Variants in PAM observed in about 807,000 individuals in gnomAD.
PAM encodes peptidylglycine alpha-amidating monooxygenase.
In PAM, 72 loss-of-function variants were observed where a neutral mutation model predicts 122.1. The observed-to-expected ratio is 0.59, with a 90% CI of 0.49 to 0.72. The LOEUF is 0.72. Ranked by LOEUF, PAM falls within the 30% of genes least tolerant of loss-of-function variation. The pLI is 0.00. For missense variants in PAM, 1,106 were observed against 1,183.7 expected, an observed-to-expected ratio of 0.93 and a Z score of 0.96; for synonymous variants, 389 against 404.4, an observed-to-expected ratio of 0.96 and a Z score of 0.46.
intron 1 of PAM, among the ~76,000 whole-genome samples, chr5:102,854,193 T>G (rs1782037555): frequency 6.6e-6 from 1 of 152,158 alleles, no homozygotes; most frequent in Non-Finnish European, 1.5e-5. Flanking sequence ...AAATTATACA[T>G]GGAAAGTATT....
chr5:102,836,336 G>A (rs577615115), intron 1 of PAM, among the ~76,000 whole-genome samples: 1 of 152,210 alleles, frequency 6.6e-6, no homozygotes, highest in East Asian at 1.9e-4. Context: ...TCAGTCTGAC[G>A]AACTCTTGCA....
chr5:102,979,849 G>A (rs1468119690), intron 15 of PAM, among the ~76,000 whole-genome samples: 5 of 151,756 alleles, frequency 3.3e-5, no homozygotes, highest in South Asian at 2.1e-4. Context: ...CAGGATATGC[G>A]GCTGTACATT....
At chr5:102,918,828 C>A (rs2151635101) in intron 5 of PAM, among the ~76,000 whole-genome samples, 1 of 152,040 alleles carries the variant, frequency 6.6e-6, no homozygotes, top group African/African-American at 2.4e-5. Context: ...ATTGCAAACC[C>A]CAAGATTTTG....
chr5:102,764,092 G>A (rs905940482), intron 1 of PAM, among the ~76,000 whole-genome samples: 5 of 151,992 alleles, frequency 3.3e-5, no homozygotes, highest in Admixed American at 1.3e-4. Context: ...AATTGAACTC[G>A]GGAATAAGTT....
intron 5 of PAM, among the ~76,000 whole-genome samples, chr5:102,922,856 C>A (rs1045104909): frequency 6.6e-6 from 1 of 152,140 alleles, no homozygotes; most frequent in African/African-American, 2.4e-5. Context: ...AATATCATTT[C>A]TTTAACTATT....
At chr5:102,780,598 C>T (rs1471040175) in intron 1 of PAM, among the ~76,000 whole-genome samples, 1 of 152,090 alleles carries the variant, frequency 6.6e-6, no homozygotes, top group South Asian at 2.1e-4. Flanking sequence ...GGTGTACCTC[C>T]CGACTGAACT....
At chr5:102,869,549 TTTC>T (rs1420457175) in intron 3 of PAM, among the ~76,000 whole-genome samples, 1 of 152,198 alleles carries the variant, frequency 6.6e-6, no homozygotes, top group Non-Finnish European at 1.5e-5. Context: ...TTGTTGAATA[TTTC>T]TTCCATTTTT....
At chr5:102,980,532 A>G (rs1330540848) in intron 15 of PAM, among the ~76,000 whole-genome samples, 1 of 152,182 alleles carries the variant, frequency 6.6e-6, no homozygotes, top group Non-Finnish European at 1.5e-5. Flanking sequence ...ATACAGTTCT[A>G]GCATTCTCTG....
intron 1 of PAM, among the ~76,000 whole-genome samples, chr5:102,853,714 A>G (rs1023347294): frequency 2.6e-5 from 4 of 152,204 alleles, no homozygotes; most frequent in Admixed American, 2.6e-4. Context: ...TCCCTTTAGG[A>G]CTTAGAACTA....
chr5:102,765,101 A>G (rs1753491700), intron 1 of PAM, among the ~76,000 whole-genome samples: 1 of 152,166 alleles, frequency 6.6e-6, no homozygotes, highest in Non-Finnish European at 1.5e-5. Context: ...AGAACCCCTC[A>G]GCCTACTCAG....
chr5:102,999,591 C>T (rs1449326122), intron 16 of PAM, among the ~76,000 whole-genome samples: 5 of 152,260 alleles, frequency 3.3e-5, no homozygotes, highest in Admixed American at 3.3e-4. Context: ...GGTTCCTCCC[C>T]TGCAGAAAAC....
intron 7 of PAM, among the ~76,000 whole-genome samples, chr5:102,943,344 C>T (rs945447110): frequency 1.3e-5 from 2 of 152,164 alleles, no homozygotes; most frequent in Admixed American, 6.5e-5. Flanking sequence ...GCAGGAACTA[C>T]AAGCTATTAT....
intron 3 of PAM, chr5:102,895,970 A>G (rs1253330364): frequency 2.6e-5 from 4 of 151,686 alleles, no homozygotes; most frequent in Admixed American, 2.0e-4. Flanking sequence ...AAGGTGAGTA[A>G]TGGAGATCGT....
intron 16 of PAM, among the ~76,000 whole-genome samples, chr5:102,994,546 G>A (rs2150870614): frequency 6.6e-6 from 1 of 152,202 alleles, no homozygotes; most frequent in East Asian, 1.9e-4. Flanking sequence ...TTCCCTTGAT[G>A]TGTATGCTAC....
intron 1 of PAM, among the ~76,000 whole-genome samples, chr5:102,779,887 A>ATG (rs1491137012): frequency 2.1e-4 from 6 of 28,972 alleles, no homozygotes; most frequent in Admixed American, 3.4e-4. Context: ...TCCCATATAC[A>ATG]TATATATATA....
chr5:102,793,906 T>TA (rs1268727460), intron 1 of PAM, among the ~76,000 whole-genome samples: 1 of 152,194 alleles, frequency 6.6e-6, no homozygotes, highest in Non-Finnish European at 1.5e-5. Context: ...TTATGCTATA[T>TA]TTATCTGAGT....
chr5:102,972,674 A>C (rs6882137), intron 14 of PAM, among the ~76,000 whole-genome samples: 3,517 of 152,318 alleles, frequency 0.023, 138 homozygotes, highest in African/African-American at 0.081. Flanking sequence ...ATATGAAACT[A>C]TTTATATTTA....
At chr5:102,897,822 T>A (rs73175431) in intron 3 of PAM, among the ~76,000 whole-genome samples, 2,183 of 151,828 alleles carry the variant, frequency 0.014, 47 homozygotes, top group African/African-American at 0.05. Flanking sequence ...AGGAATGATA[T>A]CTTTGGTTTC....
At chr5:103,017,153 A>G (rs1168213872) in intron 21 of PAM, among the ~76,000 whole-genome samples, 181 bp from the exon 22 acceptor site, 1 of 151,978 alleles carries the variant, frequency 6.6e-6, no homozygotes, top group African/African-American at 2.4e-5. Context: ...GTCAGTACCC[A>G]ATGAATGAAT....
Sources: gnomAD v4.1 joint callset for allele counts (sites outside exome capture counted in the v4.1 genomes callset) on GRCh38, gnomAD v4.1.1 for gene constraint, MANE v1.5 for transcripts, NCBI Gene and HGNC (gene_info 2026-07-23, HGNC 2026-07-21) for gene names.